ESYT3: variants seen among roughly 807,000 people sequenced by gnomAD.
The protein encoded by ESYT3 is extended synaptotagmin-3.
Under a neutral mutation model 111.5 loss-of-function variants are expected in ESYT3, and 101 were observed. The observed-to-expected ratio is 0.91, with a 90% CI of 0.77 to 1.07. ESYT3 has a LOEUF of 1.07. Among genes scored for constraint, ESYT3 ranks in the 50% least tolerant of loss-of-function variants. ESYT3 has a pLI of 0.00. For synonymous variants in ESYT3, 416 were observed against 446.8 expected (o/e 0.93, Z 0.87); for missense variants, 1,097 against 1,109.4 (o/e 0.99, Z 0.16).
chr3:138,457,362 G>A (rs536443994), intron 3 of ESYT3, among the ~76,000 whole-genome samples: 240 of 152,308 alleles, frequency 1.6e-3, no homozygotes, highest in Non-Finnish European at 2.6e-3. Flanking sequence ...GGCTGTGTGA[G>A]TAGGGGCAGG....
At chr3:138,476,168 T>C (rs917888862) in intron 20 of ESYT3, 55 bp from the exon 21 acceptor site, 1 of 1,212,070 alleles carries the variant, frequency 8.3e-7, no homozygotes, top group Non-Finnish European at 1.2e-6. Context: ...CACTTTAGAT[T>C]TTCAAGAAAA....
intron 1 of ESYT3, among the ~76,000 whole-genome samples, chr3:138,437,498 T>G (rs942287169): frequency 3.9e-5 from 6 of 152,018 alleles, no homozygotes; most frequent in African/African-American, 1.5e-4. Context: ...CATGGAGGTG[T>G]GACATAGCCA....
Position 138,479,181 on chromosome 3 carries a change from G to A in ESYT3, c.*2327G>A, listed in dbSNP as rs1404049209. The A allele has an allele frequency of 6.6e-6, 1 of 152,188 alleles. No homozygotes were observed. Among genetic ancestry groups the A allele is most frequent in the Non-Finnish European group, 1.5e-5 (1 of 68,028 alleles). The allele number at this position is 152,188 out of a possible 1,614,324, so 9.4% of individuals were successfully genotyped here. On this transcript the variant is annotated 3_prime_UTR_variant, in exon 23 of 23. Transcript: ENST00000389567. ...GCCAGAAGGAAAATGTACCAGTAAG[G>A]CAGAAATAGCATGTGAGAAGCAGTG...
chr3:138,476,493 G>A lies in ESYT3; in HGVS notation c.2624+1G>A, dbSNP rs772848850. 1 of 1,613,246 alleles carries A rather than the reference G, an allele frequency of 6.2e-7. No individual in the cohort carries two copies. Among genetic ancestry groups the A allele is most frequent in the Non-Finnish European group, 8.5e-7 (1 of 1,179,842 alleles). ...ATCTGATTAAGGGCTTTTCACAATGGTAAGTGTGCCCTTTCATTTTATCAC... is the reference window on the plus strand; with the variant it reads ...ATCTGATTAAGGGCTTTTCACAATGATAAGTGTGCCCTTTCATTTTATCAC... On this transcript the variant is annotated splice_donor_variant, in intron 22 of 22. Transcript: ENST00000389567. LOFTEE classifies it high-confidence loss of function.
In ESYT3 at chr3:138,456,762, G is replaced by A. The variant is rs773545253; in HGVS notation, c.505-806G>A. ...CAAAACCATTTCCCACCCCACCCCC[G>A]GTCTGTGGGAAAATTGTCTTCCAAG... On this transcript the variant is annotated intron_variant, in intron 3 of 22. Transcript: ENST00000389567. Among the ~76,000 whole-genome samples, 12 of 152,264 alleles carry A rather than the reference G, an allele frequency of 7.9e-5. No homozygotes were observed. In the South Asian group the frequency reaches 8.3e-4, roughly 11 times the overall value.
chr3:138,464,735 G>A (rs962271594), intron 9 of ESYT3, among the ~76,000 whole-genome samples: 1 of 152,210 alleles, frequency 6.6e-6, no homozygotes, highest in Non-Finnish European at 1.5e-5. Context: ...AACTTTGTTA[G>A]AAGTTAACAA....
intron 3 of ESYT3, among the ~76,000 whole-genome samples, chr3:138,456,872 T>C (rs917666113): frequency 2.6e-5 from 4 of 152,092 alleles, no homozygotes; most frequent in South Asian, 2.1e-4. Flanking sequence ...AGAAATGATA[T>C]TTACCATATC....
intron 10 of ESYT3, among the ~76,000 whole-genome samples, chr3:138,465,694 A>G (rs1224669256): frequency 6.6e-6 from 1 of 152,132 alleles, no homozygotes; most frequent in Non-Finnish European, 1.5e-5. Context: ...TGTCTTCCTG[A>G]TAATATACCA....
At chr3:138,466,597 CA>C (rs1470209853) in intron 10 of ESYT3, among the ~76,000 whole-genome samples, 1 of 152,148 alleles carries the variant, frequency 6.6e-6, no homozygotes, top group Non-Finnish European at 1.5e-5. Context: ...TATAGAATTA[CA>C]TTTTCCCCTC....
chr3:138,442,546 TCAGGCCCCACCCC>T (rs2031235020), intron 1 of ESYT3, among the ~76,000 whole-genome samples: 1 of 152,210 alleles, frequency 6.6e-6, no homozygotes, highest in Non-Finnish European at 1.5e-5. Flanking sequence ...AAATCCAAGC[TCAGGCCCCACCCC>T]CAGGACTCTT....
chr3:138,475,484 C>A (rs1395118656), intron 20 of ESYT3, among the ~76,000 whole-genome samples: 2 of 152,148 alleles, frequency 1.3e-5, no homozygotes, highest in Non-Finnish European at 2.9e-5. Flanking sequence ...CTGCCTTACT[C>A]CATAGGAGGT....
Position 138,472,803 on chromosome 3 carries a change from G to A in ESYT3, c.2181G>A (p.Ser727=), listed in dbSNP as rs571462753. ...AGAGGCTGGCTCCCAGCATGTCCTC[G>A]CTCAACTCCTTGGCCTCTTCTTGCT... is the stretch of plus-strand genomic sequence containing the variant. ...PPKRLAPSMS[S]LNSLASSCFD... is the part of the protein sequence containing the mutation. The change falls in exon 18 of 23, where the codon TCG becomes TCA. Residue 727 remains serine, a synonymous_variant. Transcript: ENST00000389567. The A allele has an allele frequency of 1.3e-5, 21 of 1,614,072 alleles. No homozygotes were observed. In the Admixed American group the frequency reaches 1.7e-4, roughly 13 times the overall value.
intron 1 of ESYT3, among the ~76,000 whole-genome samples, chr3:138,442,599 T>C (rs2031240481): frequency 6.6e-6 from 1 of 152,214 alleles, no homozygotes; most frequent in South Asian, 2.1e-4. Context: ...GCCCTGAGCA[T>C]GTGTCTGTCA....
intron 1 of ESYT3, among the ~76,000 whole-genome samples, chr3:138,449,797 C>A (rs143226304): frequency 6.6e-6 from 1 of 152,304 alleles, no homozygotes; most frequent in African/African-American, 2.4e-5. Flanking sequence ...TTAGAGTGAT[C>A]TGTTAGTTGC....
Position 138,434,802 on chromosome 3 carries a change from C to T in ESYT3, c.4C>T (p.Arg2Ter), listed in dbSNP as rs776245309. Residue 2 changes from arginine (R) to a stop codon, truncating the protein, a stop_gained, in exon 1 of 23, where the codon CGA becomes TGA. Transcript: ENST00000389567. LOFTEE classifies it high-confidence loss of function. M[R>*]AEEPCAPGAP... ...AGGGCAAGACTGCGGCGACGAGATG[C>T]GAGCAGAGGAGCCCTGCGCCCCCGG... 2.6e-6 allele frequency: 4 copies of T among 1,549,626 alleles called. No individual in the cohort carries two copies. Among genetic ancestry groups the T allele is most frequent in the Admixed American group, 1.9e-5 (1 of 51,306 alleles).
intron 16 of ESYT3, 193 bp downstream of exon 16, chr3:138,470,339 G>C: frequency 2.3e-6 from 3 of 1,291,080 alleles, no homozygotes; most frequent in South Asian, 1.9e-5. Flanking sequence ...CTGTATAGGG[G>C]GATGTGGGAG....
At chr3:138,448,266 T>TAAAAAAA (rs71146126) in intron 1 of ESYT3, among the ~76,000 whole-genome samples, 3 of 44,592 alleles carry the variant, frequency 6.7e-5, no homozygotes, top group African/African-American at 2.7e-4. Flanking sequence ...AAACTCGATC[T>TAAAAAAA]AAAAAAAAAA....
intron 1 of ESYT3, among the ~76,000 whole-genome samples, chr3:138,442,259 G>C (rs918250364): frequency 1.3e-5 from 2 of 151,860 alleles, no homozygotes; most frequent in East Asian, 1.9e-4. Context: ...CCTTTATATA[G>C]AAAATATATG....
At chr3:138,457,839 G>GA (rs2032386004) in intron 4 of ESYT3, among the ~76,000 whole-genome samples, 195 bp downstream of exon 4, 2 of 152,106 alleles carry the variant, frequency 1.3e-5, no homozygotes, top group South Asian at 4.2e-4. Context: ...AGCTTTCTTG[G>GA]AAGGCTAGAC....
Sources: gnomAD v4.1 joint callset for allele counts (sites outside exome capture counted in the v4.1 genomes callset) on GRCh38, gnomAD v4.1.1 for gene constraint, MANE v1.5 for transcripts, NCBI Gene and HGNC (gene_info 2026-07-23, HGNC 2026-07-21) for gene names.